ADGRL2: variants seen among roughly 807,000 people sequenced by gnomAD.
ADGRL2 encodes calcium-independent alpha-latrotoxin receptor 2.
A neutral mutation model predicts 157.4 loss-of-function variants in ADGRL2; 44 were observed. The ratio of observed to expected loss-of-function variants is 0.28; its 90% CI spans 0.22 to 0.36. The LOEUF (loss-of-function observed/expected upper bound fraction) is 0.36, where lower values mean the gene tolerates loss of function less well. ADGRL2 is among the 10% of genes least tolerant of loss of function. The pLI is 1.00. For missense variants in ADGRL2, 1,510 were observed against 1,768.9 expected, an observed-to-expected ratio of 0.85 and a Z score of 2.63; for synonymous variants, 585 against 624.7, an observed-to-expected ratio of 0.94 and a Z score of 0.95.
chr1:81,464,110 A>C (rs2077999548), intron 2 of ADGRL2, among the ~76,000 whole-genome samples: 1 of 152,156 alleles, frequency 6.6e-6, no homozygotes, highest in South Asian at 2.1e-4. Context: ...TTGATACTTA[A>C]AGTGTTATCG....
chr1:81,824,032 CA>C (rs1321124413), intron 1 of ADGRL2, among the ~76,000 whole-genome samples: 18 of 151,900 alleles, frequency 1.2e-4, no homozygotes, highest in African/African-American at 4.4e-4. Context: ...ATCAGAATCA[CA>C]AAGTGATAAG....
intron 3 of ADGRL2, among the ~76,000 whole-genome samples, chr1:81,915,178 T>C (rs2094826261): frequency 6.6e-6 from 1 of 152,038 alleles, no homozygotes; most frequent in Non-Finnish European, 1.5e-5. Flanking sequence ...CAGGCTCAAG[T>C]GATCCTCCCA....
intron 2 of ADGRL2, among the ~76,000 whole-genome samples, chr1:81,873,383 C>T (rs1278489353): frequency 6.6e-6 from 1 of 151,998 alleles, no homozygotes; most frequent in African/African-American, 2.4e-5. Context: ...AGTTTAGTTA[C>T]AATACTTATT....
chr1:81,798,028 C>T (rs531394258), upstream of ADGRL2, among the ~76,000 whole-genome samples: 69 of 152,196 alleles, frequency 4.5e-4, 1 homozygote, highest in South Asian at 0.014. Context: ...AATGATTTTG[C>T]CATTACTTAA....
Position 81,993,150 on chromosome 1 carries a change from G to A in ADGRL2, c.*2005G>A, listed in dbSNP as rs1194213591. Among the ~76,000 whole-genome samples, 4 of 118,354 alleles carry A rather than the reference G, an allele frequency of 3.4e-5. No homozygotes were observed. Among genetic ancestry groups the A allele is most frequent in the African/African-American group, 1.4e-4 (4 of 29,304 alleles). 77.6% of individuals were successfully genotyped at this position (118,354 alleles called of 152,430 possible). ...AGAGTGTCCCTCTGTCACCCAGGCT[G>A]GAGTGCAGTAGTGTGATCTCGGCTC... On this transcript the variant is annotated 3_prime_UTR_variant, in exon 24 of 24. Transcript: ENST00000686636.
intron 1 of ADGRL2, among the ~76,000 whole-genome samples, chr1:81,819,710 CTG>C (rs1011728045): frequency 6.6e-6 from 1 of 152,026 alleles, no homozygotes; most frequent in African/African-American, 2.4e-5. Flanking sequence ...CTATCGTAAT[CTG>C]GTTAGAAATC....
chr1:81,549,829 G>C (rs1379111724), intron 2 of ADGRL2, among the ~76,000 whole-genome samples: 1 of 152,180 alleles, frequency 6.6e-6, no homozygotes, highest in Non-Finnish European at 1.5e-5. Context: ...ATGAGTGAGA[G>C]AGGTATCTTC....
Position 81,839,663 on chromosome 1 carries a change from G to C in ADGRL2, c.73+2606G>C, listed in dbSNP as rs2092455313. Among the ~76,000 whole-genome samples, 6 of 151,284 alleles carry C rather than the reference G, an allele frequency of 4.0e-5. No individual in the cohort carries two copies. The Admixed American group carries it at 4.0e-4, about 10-fold the overall frequency. On this transcript the variant is annotated intron_variant, in intron 2 of 23. Coordinates refer to ENST00000686636, the MANE Select transcript of ADGRL2 (RefSeq NM_001366006.2). ...TTCTCTTCCTGAGTTACTTCACTTA[G>C]AATAATAGTCTCCAGTCTCATCCAG...
At position 81,943,616 on chromosome 1, in the gene ADGRL2, A is replaced by T; in HGVS notation, c.1057A>T (p.Asn353Tyr). 21 of 1,613,742 alleles carry T rather than the reference A, an allele frequency of 1.3e-5. No individual in the cohort carries two copies. Among genetic ancestry groups the T allele is most frequent in the Non-Finnish European group, 1.8e-5 (21 of 1,179,730 alleles). Residue 353 changes from asparagine to tyrosine, a missense_variant, in exon 6 of 24, where the codon AAC becomes TAC. Asn to Tyr is a moderately radical substitution (Grantham distance 143, BLOSUM62 -2). Transcript: ENST00000686636. This position sits in a 1 kb window ranked among gnomAD's most constrained non-coding sequence, Gnocchi z 5.6. ...SIDYIYNTRL[N>Y]RGEYVDVPFP... ...TGATTACATTTATAATACCCGATTA[A>T]ACCGAGGAGAATATGTAGATGTTCC...
intron 1 of ADGRL2, among the ~76,000 whole-genome samples, chr1:81,319,045 G>T (rs1165068886): frequency 7.3e-6 from 1 of 137,818 alleles, no homozygotes; most frequent in Non-Finnish European, 1.5e-5. Context: ...AGGTTCAAGC[G>T]ATTCTCCTGC....
rs529241623 is a variant in ADGRL2 at position 81,438,663 on chromosome 1, C to T, written c.-301-6373C>T. Among the ~76,000 whole-genome samples the T allele has an allele frequency of 1.6e-4, 24 of 152,194 alleles. No homozygotes were observed. In the South Asian group the frequency reaches 2.5e-3, roughly 16 times the overall value. ...AAACATTTTGCAGCCCAGCCCTGGA[C>T]GGTAACATGGTTTTGTGAAGAAAGG... On this transcript the variant is annotated intron_variant, in intron 1 of 24. Transcript: ENST00000370721.
intron 1 of ADGRL2, among the ~76,000 whole-genome samples, chr1:81,720,450 G>T (rs1175663623): frequency 6.6e-6 from 1 of 151,914 alleles, no homozygotes; most frequent in Non-Finnish European, 1.5e-5. Flanking sequence ...AGATTAACAG[G>T]CATGAGTCAC....
At chr1:81,451,480 T>G (rs572715267) in intron 2 of ADGRL2, among the ~76,000 whole-genome samples, 64 of 152,318 alleles carry the variant, frequency 4.2e-4, no homozygotes, top group African/African-American at 1.5e-3. Flanking sequence ...TAACATTTTT[T>G]TGTATTTCTT....
At chr1:81,802,862 C>A (rs2088478759) in intron 1 of ADGRL2, among the ~76,000 whole-genome samples, 1 of 152,046 alleles carries the variant, frequency 6.6e-6, no homozygotes, top group African/African-American at 2.4e-5. Flanking sequence ...TGTGGGGAGG[C>A]GAGGATGACA....
chr1:81,392,461 C>A (rs962478320), intron 1 of ADGRL2, among the ~76,000 whole-genome samples: 96 of 151,926 alleles, frequency 6.3e-4, no homozygotes, highest in African/African-American at 2.2e-3. Context: ...CATGCTAATG[C>A]TAACAAAGGA....
intron 3 of ADGRL2, among the ~76,000 whole-genome samples, chr1:81,633,632 A>C (rs1031076879): frequency 7.5e-5 from 11 of 147,404 alleles, no homozygotes; most frequent in Non-Finnish European, 1.3e-4. Flanking sequence ...AGAACCACCG[A>C]TTTTCTCTAC....
intron 3 of ADGRL2, among the ~76,000 whole-genome samples, chr1:81,924,055 G>A (rs1437707883): frequency 6.6e-6 from 1 of 152,154 alleles, no homozygotes; most frequent in African/African-American, 2.4e-5. Flanking sequence ...GACTACTTCC[G>A]ATTCAGGTAG....
chr1:81,838,502 G>T (rs969566511), intron 2 of ADGRL2, among the ~76,000 whole-genome samples: 1 of 152,048 alleles, frequency 6.6e-6, no homozygotes, highest in African/African-American at 2.4e-5. Context: ...ACAGTGAACA[G>T]GAATTGTGTT....
chr1:81,653,460 A>C (rs1382013681), intron 3 of ADGRL2, among the ~76,000 whole-genome samples: 1 of 152,144 alleles, frequency 6.6e-6, no homozygotes, highest in Admixed American at 6.5e-5. Flanking sequence ...AGAGATCCTG[A>C]AAAGGGGAGA....
Sources: allele counts gnomAD v4.1 joint callset (sites outside exome capture counted in the v4.1 genomes callset), GRCh38; gene constraint gnomAD v4.1.1; non-coding constraint Gnocchi (gnomAD v3.1); transcripts MANE v1.5; gene names NCBI Gene and HGNC (gene_info 2026-07-23, HGNC 2026-07-21).